The following YWHAE variants were observed in gnomAD, a reference collection of about 807,000 sequenced individuals.
YWHAE encodes 14-3-3 protein epsilon.
In YWHAE, 4 loss-of-function variants were observed where a neutral mutation model predicts 30.1. The ratio of observed to expected loss-of-function variants is 0.13; its 90% CI spans 0.07 to 0.30. YWHAE has a LOEUF of 0.30. Ranked by LOEUF, YWHAE falls within the 10% of genes least tolerant of loss-of-function variation. YWHAE has a pLI of 1.00. For synonymous variants in YWHAE, 118 were observed against 111.8 expected, an observed-to-expected ratio of 1.06 and a Z score of -0.35; for missense variants, 121 against 315.9, an observed-to-expected ratio of 0.38 and a Z score of 4.68.
intron 5 of YWHAE, among the ~76,000 whole-genome samples, chr17:1,348,775 G>A (rs2072567392): frequency 6.6e-6 from 1 of 152,218 alleles, no homozygotes; most frequent in South Asian, 2.1e-4. Flanking sequence ...TGTAATCCCA[G>A]CATTTTGGGA....
Position 1,350,204 on chromosome 17 carries a change from G to A in YWHAE, c.715+4007C>T, listed in dbSNP as rs543140819. Among the ~76,000 whole-genome samples the A allele has an allele frequency of 4.7e-5, 7 of 150,068 alleles. No homozygotes were observed. The South Asian group carries it at 8.6e-4, about 18-fold the overall frequency. On this transcript the variant is annotated intron_variant, in intron 5 of 5. Transcript: ENST00000264335. ...TGACCTCAGGTGATCCACCCGCTTC[G>A]GCCTCCCAAAGTGCTGGGATTATAG...
At chr17:1,349,757 C>T (rs971473036) in intron 5 of YWHAE, among the ~76,000 whole-genome samples, 5 of 151,614 alleles carry the variant, frequency 3.3e-5, no homozygotes, top group Non-Finnish European at 5.9e-5. Context: ...GGACTACAGG[C>T]GCCCACCACC....
chr17:1,372,351 C>T (rs1196326306), intron 1 of YWHAE, among the ~76,000 whole-genome samples: 1 of 152,226 alleles, frequency 6.6e-6, no homozygotes, highest in Non-Finnish European at 1.5e-5. Context: ...AACTTTCTGT[C>T]AGCAAGAAGG....
Position 1,364,842 on chromosome 17 carries a change from T to C in YWHAE, c.264+17A>G. 7.4e-6 allele frequency: 12 copies of C among 1,613,968 alleles called. No individual in the cohort carries two copies. The highest frequency in any genetic ancestry group is 2.2e-5 in the East Asian group (1 of 44,876). Reference sequence around the variant, plus strand: ...TCAAACTGTGGATAAGGGGGGATGATGGCACAACAATCTCACCATTTGCCG... The same window carrying C: ...TCAAACTGTGGATAAGGGGGGATGACGGCACAACAATCTCACCATTTGCCG... On this transcript the variant is annotated intron_variant, in intron 2 of 5. Coordinates refer to ENST00000264335, the MANE Select transcript of YWHAE (RefSeq NM_006761.5).
intron 1 of YWHAE, among the ~76,000 whole-genome samples, chr17:1,389,154 C>A (rs2073352309): frequency 6.6e-6 from 1 of 152,142 alleles, no homozygotes; most frequent in Admixed American, 6.5e-5. Context: ...TTTGTAGAAA[C>A]AGGGTCTCAC....
At position 1,354,299 on chromosome 17, in the gene YWHAE, C is replaced by T. The variant is rs765711899; in HGVS notation, c.627G>A (p.Leu209=). The change falls in exon 5 of 6, where the codon CTG becomes CTA. Residue 209 remains leucine, a synonymous_variant. Transcript: ENST00000264335. ...FDDAIAELDT[L]SEESYKDSTL... is the part of the protein sequence containing the mutation. ...TAGAGTCCTTATAGCTTTCTTCACT[C>T]AGCGTATCCAGTTCTGCAATTGCAT... The T allele has an allele frequency of 6.2e-7, 1 of 1,614,126 alleles. No homozygotes were observed. Among genetic ancestry groups the T allele is most frequent in the Non-Finnish European group, 8.5e-7 (1 of 1,179,990 alleles).
chr17:1,347,845 G>T (rs2072552240), intron 5 of YWHAE: 2 of 542,650 alleles, frequency 3.7e-6, no homozygotes, highest in African/African-American at 4.1e-5. Flanking sequence ...GCTTAGGTCA[G>T]CGCCCTGGAA....
At chr17:1,386,142 C>T (rs1422785510) in intron 1 of YWHAE, among the ~76,000 whole-genome samples, 3 of 152,066 alleles carry the variant, frequency 2.0e-5, no homozygotes, top group Non-Finnish European at 1.5e-5. Flanking sequence ...AAAGAAATAG[C>T]CAATAAACAG....
intron 4 of YWHAE, among the ~76,000 whole-genome samples, chr17:1,356,026 G>A (rs538991806): frequency 9.2e-5 from 14 of 152,230 alleles, no homozygotes; most frequent in Admixed American, 1.3e-4. Context: ...AAAATTAGCC[G>A]GGAGCAGTGG....
chr17:1,399,715 CG>C, intron 1 of YWHAE: 1 of 497,098 alleles, frequency 2.0e-6, no homozygotes, highest in Non-Finnish European at 3.7e-6. Flanking sequence ...GAGGGTGGCT[CG>C]TTCGGAGACA....
intron 1 of YWHAE, among the ~76,000 whole-genome samples, chr17:1,376,254 A>C (rs148935233): frequency 8.3e-4 from 126 of 152,336 alleles, no homozygotes; most frequent in Non-Finnish European, 1.6e-3. Flanking sequence ...ACTCTACCAG[A>C]GAAACAAGTT....
At chr17:1,359,044 G>A (rs945081159) in intron 4 of YWHAE, among the ~76,000 whole-genome samples, 4 of 151,510 alleles carry the variant, frequency 2.6e-5, no homozygotes, top group Non-Finnish European at 4.4e-5. Context: ...GCTGAGGCAG[G>A]AGAATCGCTT....
At chr17:1,353,490 C>CA (rs1223163849) in intron 5 of YWHAE, among the ~76,000 whole-genome samples, 2 of 151,116 alleles carry the variant, frequency 1.3e-5, no homozygotes, top group Admixed American at 1.3e-4. Flanking sequence ...CAGCAGGGCG[C>CA]AGTGGCTAAC....
At chr17:1,399,004 C>T (rs1394210370) in intron 1 of YWHAE, 1 of 152,222 alleles carries the variant, frequency 6.6e-6, no homozygotes, top group Admixed American at 6.5e-5. Flanking sequence ...AAGTACAGAC[C>T]AGCATTCCGA....
intron 1 of YWHAE, among the ~76,000 whole-genome samples, chr17:1,394,436 C>CAA (rs544115909): frequency 0.016 from 924 of 57,114 alleles, 9 homozygotes; most frequent in East Asian, 0.03. Context: ...CTCAAATCCA[C>CAA]AAAAAAAAAA....
At chr17:1,345,720 T>G (rs927769914) in intron 5 of YWHAE, among the ~76,000 whole-genome samples, 1 of 152,112 alleles carries the variant, frequency 6.6e-6, no homozygotes, top group Non-Finnish European at 1.5e-5. Flanking sequence ...TGAAAAAAAC[T>G]GATGCGCAGT....
intron 1 of YWHAE, among the ~76,000 whole-genome samples, chr17:1,390,045 T>C (rs1024046390): frequency 2.0e-5 from 3 of 152,104 alleles, no homozygotes; most frequent in African/African-American, 7.2e-5. Context: ...GATTTCTCCA[T>C]GTTGGTCAGG....
At chr17:1,364,081 T>C (rs1188166959) in intron 2 of YWHAE, among the ~76,000 whole-genome samples, 1 of 152,078 alleles carries the variant, frequency 6.6e-6, no homozygotes, top group Admixed American at 6.6e-5. Context: ...GTGATGGCTG[T>C]CCAACTTTTT....
chr17:1,357,593 A>G (rs1393044430), intron 4 of YWHAE, among the ~76,000 whole-genome samples: 2 of 151,584 alleles, frequency 1.3e-5, no homozygotes, highest in Non-Finnish European at 2.9e-5. Flanking sequence ...AAAAAAAAAA[A>G]GCAAAAAAAC....
Sources: allele counts gnomAD v4.1 joint callset (sites outside exome capture counted in the v4.1 genomes callset), GRCh38; gene constraint gnomAD v4.1.1; transcripts MANE v1.5; gene names NCBI Gene and HGNC (gene_info 2026-07-23, HGNC 2026-07-21).